Variants in ZNF483 observed in about 807,000 individuals in gnomAD.
The protein encoded by ZNF483 is zinc finger protein HIT-10.
Under a neutral mutation model 28.6 loss-of-function variants are expected in ZNF483, and 9 were observed. The ratio of observed to expected loss-of-function variants is 0.32; its 90% CI spans 0.19 to 0.55. The LOEUF (loss-of-function observed/expected upper bound fraction) is 0.55. Ranked by LOEUF, ZNF483 falls within the 20% of genes least tolerant of loss-of-function variation. ZNF483 has a pLI of 0.93. For missense variants in ZNF483, 675 were observed against 871.7 expected (o/e 0.77, Z 2.84); for synonymous variants, 322 against 306.2 (o/e 1.05, Z -0.54).
chr9:111,537,595 A>G (rs1410817198), intron 5 of ZNF483, among the ~76,000 whole-genome samples: 2 of 151,994 alleles, frequency 1.3e-5, no homozygotes, highest in African/African-American at 4.8e-5. Context: ...AAATTATTAC[A>G]GTGTATAGTA....
At chr9:111,560,626 G>C (rs1384226950) in intron 5 of ZNF483, among the ~76,000 whole-genome samples, 2 of 96,578 alleles carry the variant, frequency 2.1e-5, no homozygotes, top group South Asian at 4.1e-4. Flanking sequence ...GGGAGACAGA[G>C]ACACCATCTC....
rs1828015678 is a variant in ZNF483, at chr9:111,553,036, A to G, written c.*9866A>G. On this transcript the variant is annotated 3_prime_UTR_variant, in exon 6 of 6. Coordinates refer to ENST00000309235, the MANE Select transcript of ZNF483 (RefSeq NM_133464.5). The stretch of plus-strand genomic sequence containing the variant: ...GGTTTACAAACTCAGACCCTTTTAA[A>G]AGTTGTTTAAATTGTTTTGTTAGAA... 6.6e-6 allele frequency among the ~76,000 whole-genome samples: 1 copy of G among 152,166 alleles called. No individual in the cohort carries two copies. The highest frequency in any genetic ancestry group is 1.5e-5 in the Non-Finnish European group (1 of 68,018).
chr9:111,535,798 G>T (rs1411043916), intron 5 of ZNF483, among the ~76,000 whole-genome samples: 1 of 152,048 alleles, frequency 6.6e-6, no homozygotes, highest in Non-Finnish European at 1.5e-5. Flanking sequence ...TCCTACCTCG[G>T]CTTCCCGAAG....
At chr9:111,528,144 G>T in intron 2 of ZNF483, 1 of 976,040 alleles carries the variant, frequency 1.0e-6, no homozygotes, top group Admixed American at 3.0e-5. Context: ...AAAGTGTTTG[G>T]AGTCACAGGC....
chr9:111,525,759 C>G (rs1373287640), intron 1 of ZNF483, among the ~76,000 whole-genome samples: 1 of 152,130 alleles, frequency 6.6e-6, no homozygotes, highest in African/African-American at 2.4e-5. Context: ...GTGTCTTAGT[C>G]ATCGCGGAGC....
In ZNF483 at chr9:111,532,918, AAAAG is replaced by A. The variant is rs1308971552; in HGVS notation, c.502-817_502-814del. Among the ~76,000 whole-genome samples, 3 of 152,246 alleles carry A rather than the reference AAAAG, an allele frequency of 2.0e-5. No individual in the cohort carries two copies. The East Asian group carries it at 5.8e-4, about 29-fold the overall frequency. On this transcript the variant is annotated intron_variant, in intron 3 of 5. Coordinates refer to ENST00000309235, the MANE Select transcript of ZNF483 (RefSeq NM_133464.5). Reference sequence around the variant, plus strand: ...AGTGAGACTCCGTCTCAAAAAAAAAAAAAGAAAAAAAAGGAAAGTGTATTTTAGT... The same window carrying A: ...AGTGAGACTCCGTCTCAAAAAAAAAAAAAAAAAAGGAAAGTGTATTTTAGT...
Position 111,548,200 on chromosome 9 carries a change from G to T in ZNF483, c.*5030G>T, listed in dbSNP as rs998024755. Among the ~76,000 whole-genome samples, 3 of 152,158 alleles carry T rather than the reference G, an allele frequency of 2.0e-5. No individual in the cohort carries two copies. The highest frequency in any genetic ancestry group is 7.2e-5 in the African/African-American group (3 of 41,454). On this transcript the variant is annotated 3_prime_UTR_variant, in exon 6 of 6. Transcript: ENST00000309235. ...TTGTTTTTGTGGAAAATGGCATGAA[G>T]ATTGGGCTTGCATTGAATTTGTAGA...
intron 5 of ZNF483, among the ~76,000 whole-genome samples, chr9:111,561,010 GA>G: frequency 1.1e-5 from 1 of 92,560 alleles, no homozygotes; most frequent in Non-Finnish European, 2.1e-5. Context: ...GAGAGAGAGA[GA>G]GAGAGAGGTG....
rs1373260999 is a variant in ZNF483 at position 111,545,793 on chromosome 9, C to T, written c.*2623C>T. On this transcript the variant is annotated 3_prime_UTR_variant, in exon 6 of 6. Transcript: ENST00000309235. ...CTTCGTGCATTCACTAGTTGAAGAA[C>T]ATTTGAGGTTTTTCCAGTTTTTGCC... is the stretch of plus-strand genomic sequence containing the variant. Among the ~76,000 whole-genome samples the T allele has an allele frequency of 2.0e-5, 3 of 152,054 alleles. 1 individual carries two copies. Among genetic ancestry groups the T allele is most frequent in the South Asian group, 4.1e-4 (2 of 4,826 alleles).
chr9:111,536,699 G>GACCGC (rs1489425620), intron 5 of ZNF483, among the ~76,000 whole-genome samples: 4 of 151,750 alleles, frequency 2.6e-5, no homozygotes, highest in Admixed American at 6.6e-5. Flanking sequence ...AGGGGCCACT[G>GACCGC]ACCGCACCCC....
intron 1 of ZNF483, among the ~76,000 whole-genome samples, 161 bp downstream of exon 1, chr9:111,525,423 G>A (rs1272353560): frequency 6.6e-6 from 1 of 152,204 alleles, no homozygotes; most frequent in Non-Finnish European, 1.5e-5. Context: ...GCGGGATGGG[G>A]CTGTTGGCTT....
intron 5 of ZNF483, chr9:111,539,803 GATC>G (rs558028284): frequency 5.9e-6 from 1 of 170,866 alleles, no homozygotes; most frequent in Non-Finnish European, 1.2e-5. Context: ...TCTATATGAT[GATC>G]ATCATGTCAC....
At position 111,552,322 on chromosome 9, in the gene ZNF483, C is replaced by G. The variant is rs117255545; in HGVS notation, c.*9152C>G. On this transcript the variant is annotated 3_prime_UTR_variant, in exon 6 of 6. Coordinates refer to ENST00000309235, the MANE Select transcript of ZNF483 (RefSeq NM_133464.5). ...AGAAGTTTCATAAACTGTCAACATTCTATAGCTTTTGTGCATATGTACTGA... is the reference window on the plus strand; with the variant it reads ...AGAAGTTTCATAAACTGTCAACATTGTATAGCTTTTGTGCATATGTACTGA... Among the ~76,000 whole-genome samples the G allele has an allele frequency of 3.1e-3, 466 of 152,140 alleles. No individual in the cohort carries two copies. The highest frequency in any genetic ancestry group is 6.8e-3 in the Middle Eastern group (2 of 294).
At position 111,525,820 on chromosome 9, in the gene ZNF483, C is replaced by G. The variant is rs550987682; in HGVS notation, c.-129+558C>G. On this transcript the variant is annotated intron_variant, in intron 1 of 5. Coordinates refer to ENST00000309235, the MANE Select transcript of ZNF483 (RefSeq NM_133464.5). ...TACGTGGTGGGCGCCTAATATTTGGCAGAGGAATAAATGACGTCATGCTGC... is the reference window on the plus strand; with the variant it reads ...TACGTGGTGGGCGCCTAATATTTGGGAGAGGAATAAATGACGTCATGCTGC... 2.6e-5 allele frequency among the ~76,000 whole-genome samples: 4 copies of G among 152,154 alleles called. No individual in the cohort carries two copies. The South Asian group carries it at 8.3e-4, about 32-fold the overall frequency.
At chr9:111,556,052 C>A (rs1277041982), downstream of ZNF483, among the ~76,000 whole-genome samples, 1 of 152,208 alleles carries the variant, frequency 6.6e-6, no homozygotes, top group African/African-American at 2.4e-5. Flanking sequence ...TAGTTACTTC[C>A]AAGATAGAAC....
Position 111,543,917 on chromosome 9 carries a change from G to T in ZNF483, c.*747G>T. The T allele has an allele frequency of 2.0e-6, 2 of 984,992 alleles. No individual in the cohort carries two copies. Among genetic ancestry groups the T allele is most frequent in the Non-Finnish European group, 2.4e-6 (2 of 829,884 alleles). 61.0% of individuals were successfully genotyped at this position (984,992 alleles called of 1,614,324 possible). On this transcript the variant is annotated 3_prime_UTR_variant, in exon 6 of 6. Coordinates refer to ENST00000309235, the MANE Select transcript of ZNF483 (RefSeq NM_133464.5). ...TTACGGGTACACTCCATCAAGCCTG[G>T]TTCCTAGGATGCTGGACTTCTAGCT...
At chr9:111,539,525 A>C (rs1206388778) in intron 5 of ZNF483, 5 of 451,330 alleles carry the variant, frequency 1.1e-5, no homozygotes, top group Non-Finnish European at 2.2e-5. Context: ...GCACTTTGGG[A>C]GGCCAAGGCA....
chr9:111,564,277 TTTATTATTA>T (rs3031175), intron 5 of ZNF483: 13,993 of 485,898 alleles, frequency 0.029, 253 homozygotes, highest in African/African-American at 0.055. Flanking sequence ...AATTTAAACT[TTTATTATTA>T]TTATTATTAT....
At chr9:111,564,647 T>C (rs10980947) in intron 5 of ZNF483, among the ~76,000 whole-genome samples, 31,676 of 151,812 alleles carry the variant, frequency 0.21, 4,149 homozygotes, top group East Asian at 0.39. Flanking sequence ...CTCATTCTTA[T>C]TCTTGAAGAA....
Sources: allele counts gnomAD v4.1 joint callset (sites outside exome capture counted in the v4.1 genomes callset), GRCh38; gene constraint gnomAD v4.1.1; transcripts MANE v1.5; gene names NCBI Gene and HGNC (gene_info 2026-07-23, HGNC 2026-07-21).